IL15: variants seen among roughly 807,000 people sequenced by gnomAD.
The protein encoded by IL15 is interleukin-15.
A neutral mutation model predicts 19.6 loss-of-function variants in IL15; 11 were observed. The ratio of observed to expected loss-of-function variants is 0.56; its 90% CI spans 0.35 to 0.93. IL15 has a LOEUF of 0.93. IL15 is among the 40% of genes least tolerant of loss of function. IL15 has a pLI of 0.01. For missense variants in IL15, 197 were observed against 186.5 expected (o/e 1.06, Z -0.33); for synonymous variants, 58 against 59.6 (o/e 0.97, Z 0.12).
rs1465022829 is a variant in IL15 at position 141,733,496 on chromosome 4, A to G, written c.*648A>G. 1 of 152,250 alleles carries G rather than the reference A, an allele frequency of 6.6e-6. No individual in the cohort carries two copies. The highest frequency in any genetic ancestry group is 1.5e-5 in the Non-Finnish European group (1 of 68,060). The allele number at this position is 152,250 out of a possible 1,614,324, so 9.4% of individuals were successfully genotyped here. A position where few individuals can be genotyped will look rare whatever the true frequency, so the allele number is the denominator to read the frequency against. ...TCAGTAAATCTTGGTGGTGGTGGCA[A>G]TAATAAACTTCTACTGATAGGTAGA... On this transcript the variant is annotated 3_prime_UTR_variant, in exon 8 of 8. Coordinates refer to ENST00000320650, the MANE Select transcript of IL15 (RefSeq NM_000585.5).
At chr4:141,719,837 T>C (rs1730013919) in intron 3 of IL15, among the ~76,000 whole-genome samples, 1 of 152,172 alleles carries the variant, frequency 6.6e-6, no homozygotes. Context: ...CAGTTAACAC[T>C]GCTTTCTGAA....
chr4:141,692,171 C>A (rs1044731047), intron 2 of IL15, among the ~76,000 whole-genome samples: 1 of 152,248 alleles, frequency 6.6e-6, no homozygotes, highest in African/African-American at 2.4e-5. Context: ...TTAGCCACAG[C>A]TGGAGCTGGA....
At chr4:141,639,247 G>A (rs1032376727) in intron 1 of IL15, among the ~76,000 whole-genome samples, 15 of 152,128 alleles carry the variant, frequency 9.9e-5, no homozygotes, top group African/African-American at 3.1e-4. Flanking sequence ...GGTATTATTT[G>A]CATACAAATA....
Position 141,636,616 on chromosome 4 carries a change from G to T in IL15, c.-354G>T, listed in dbSNP as rs961436813. On this transcript the variant is annotated 5_prime_UTR_variant, in exon 1 of 8. Coordinates refer to ENST00000320650, the MANE Select transcript of IL15 (RefSeq NM_000585.5). ...CAGGGGTTGGGACTCCGGGTGGCAG[G>T]CGCCCGGGGGAATCCCAGCTGACTC... The T allele has an allele frequency of 6.6e-5, 10 of 152,194 alleles. No homozygotes were observed. The highest frequency in any genetic ancestry group is 2.4e-4 in the African/African-American group (10 of 41,518). 9.4% of individuals were successfully genotyped at this position (152,194 alleles called of 1,614,324 possible).
chr4:141,685,125 A>G (rs538084044), intron 2 of IL15, among the ~76,000 whole-genome samples: 3 of 152,250 alleles, frequency 2.0e-5, no homozygotes, highest in Non-Finnish European at 4.4e-5. Context: ...GTTATACACT[A>G]TAGGAGATAC....
intron 2 of IL15, among the ~76,000 whole-genome samples, chr4:141,684,729 C>T (rs1728653759): frequency 6.6e-6 from 1 of 152,166 alleles, no homozygotes; most frequent in Admixed American, 6.5e-5. Flanking sequence ...CCAAGGCCTT[C>T]TCCATTTGCA....
At chr4:141,723,663 A>G (rs987518679) in intron 5 of IL15, among the ~76,000 whole-genome samples, 2 of 152,216 alleles carry the variant, frequency 1.3e-5, no homozygotes, top group Non-Finnish European at 2.9e-5. Context: ...CATTAATTAT[A>G]AAAAGCAGAA....
intron 2 of IL15, among the ~76,000 whole-genome samples, chr4:141,694,216 T>C (rs1729016683): frequency 6.6e-6 from 1 of 152,184 alleles, no homozygotes; most frequent in Admixed American, 6.5e-5. Context: ...AAGCAAGTGA[T>C]CATCCACACG....
At chr4:141,685,926 T>C (rs371847865) in intron 2 of IL15, among the ~76,000 whole-genome samples, 1 of 152,182 alleles carries the variant, frequency 6.6e-6, no homozygotes. Context: ...TCATTAGTCT[T>C]TATGATTTGT....
chr4:141,647,261 T>C (rs916990141), intron 1 of IL15, among the ~76,000 whole-genome samples: 1 of 152,032 alleles, frequency 6.6e-6, no homozygotes, highest in Non-Finnish European at 1.5e-5. Context: ...AAGATAAACA[T>C]GTTAGGAACA....
intron 2 of IL15, 74 bp from the exon 3 acceptor site, chr4:141,719,292 A>G (rs183526526): frequency 8.0e-6 from 4 of 498,886 alleles, no homozygotes; most frequent in Non-Finnish European, 1.4e-5. Flanking sequence ...TAGGTGTTCA[A>G]TAAGTATTAA....
chr4:141,694,865 G>A lies in IL15; in HGVS notation c.-99-24501G>A, dbSNP rs571881146. Among the ~76,000 whole-genome samples, 133 of 152,204 alleles carry A rather than the reference G, an allele frequency of 8.7e-4. 3 individuals carry two copies. Among genetic ancestry groups the A allele is most frequent in the African/African-American group, 2.4e-3 (100 of 41,524 alleles). On this transcript the variant is annotated intron_variant, in intron 2 of 7. Transcript: ENST00000320650. ...TAATAGATGGCAGCCCTGCTCTTTT[G>A]GTATCTCAAGCCAAAACCTTCAGAG...
intron 2 of IL15, among the ~76,000 whole-genome samples, chr4:141,658,778 T>C (rs1302419702): frequency 1.3e-5 from 2 of 151,964 alleles, no homozygotes. Context: ...AACACGGAAA[T>C]CATGCTCTTT....
At chr4:141,709,193 G>T (rs1050786827) in intron 2 of IL15, among the ~76,000 whole-genome samples, 6 of 151,896 alleles carry the variant, frequency 4.0e-5, no homozygotes, top group Non-Finnish European at 8.8e-5. Context: ...TAACAAGTAT[G>T]AATTCAGATT....
intron 2 of IL15, among the ~76,000 whole-genome samples, chr4:141,664,893 A>T (rs1376927513): frequency 1.3e-5 from 2 of 152,168 alleles, no homozygotes; most frequent in Non-Finnish European, 2.9e-5. Flanking sequence ...ATATAAAAAT[A>T]CAAATTTGCA....
At chr4:141,645,407 T>G (rs1157815543) in intron 1 of IL15, among the ~76,000 whole-genome samples, 1 of 152,164 alleles carries the variant, frequency 6.6e-6, no homozygotes, top group Non-Finnish European at 1.5e-5. Flanking sequence ...AGCCTGGATT[T>G]GATCTTTGCC....
At chr4:141,711,326 G>A (rs1284796434) in intron 2 of IL15, among the ~76,000 whole-genome samples, 1 of 152,032 alleles carries the variant, frequency 6.6e-6, no homozygotes, top group African/African-American at 2.4e-5. Context: ...CTTGAAATTG[G>A]CGAGATGAAT....
At chr4:141,707,204 C>T (rs902548585) in intron 2 of IL15, among the ~76,000 whole-genome samples, 1 of 151,992 alleles carries the variant, frequency 6.6e-6, no homozygotes, top group Non-Finnish European at 1.5e-5. Flanking sequence ...AAAAATTTCA[C>T]TTGTATTTTT....
chr4:141,671,834 G>C (rs1231714873), intron 2 of IL15, among the ~76,000 whole-genome samples: 1 of 152,152 alleles, frequency 6.6e-6, no homozygotes, highest in Admixed American at 6.5e-5. Flanking sequence ...TTTAAGGGGA[G>C]GGAAGAGAGA....
Sources: gnomAD v4.1 joint callset for allele counts (sites outside exome capture counted in the v4.1 genomes callset) on GRCh38, gnomAD v4.1.1 for gene constraint, MANE v1.5 for transcripts, NCBI Gene and HGNC (gene_info 2026-07-23, HGNC 2026-07-21) for gene names.